Variants in RAP1GAP observed in about 807,000 individuals in gnomAD.
RAP1GAP encodes RAP1 GTPase activating protein.
RAP1GAP carries 35 observed loss-of-function variants against 87.2 expected under a neutral mutation model. The observed-to-expected ratio is 0.40, with a 90% CI of 0.31 to 0.53. The LOEUF is 0.53. Among genes scored for constraint, RAP1GAP ranks in the 20% least tolerant of loss-of-function variants. The probability of loss-of-function intolerance (pLI) is 0.48; values close to 1 mark genes in which losing one functional copy is unlikely to be tolerated. For synonymous variants in RAP1GAP, 375 were observed against 363.9 expected (o/e 1.03, Z -0.35); for missense variants, 734 against 898.9 (o/e 0.82, Z 2.35).
At chr1:21,605,124 C>T (rs2073461410) in intron 18 of RAP1GAP, among the ~76,000 whole-genome samples, 1 of 152,066 alleles carries the variant, frequency 6.6e-6, no homozygotes, top group Non-Finnish European at 1.5e-5. Flanking sequence ...CTGGGGTGGC[C>T]ACTAGGCAGT....
chr1:21,634,327 C>A lies in RAP1GAP; in HGVS notation c.-112-7930G>T, dbSNP rs927595017. On this transcript the variant is annotated intron_variant, in intron 2 of 24. Transcript: ENST00000374765. This position sits in a 1 kb window ranked among gnomAD's most constrained non-coding sequence, Gnocchi z 4.1. ...ACCTCTCCTAGGACTCTAGAGGGAG[C>A]GTGGCGATGGGGTAGAGGAGCGGCA... Among the ~76,000 whole-genome samples the A allele has an allele frequency of 6.6e-6, 1 of 152,158 alleles. No homozygotes were observed. The highest frequency in any genetic ancestry group is 1.5e-5 in the Non-Finnish European group (1 of 68,008).
At chr1:21,625,021 C>T (rs2091311918) in intron 3 of RAP1GAP, among the ~76,000 whole-genome samples, 2 of 152,200 alleles carry the variant, frequency 1.3e-5, no homozygotes. Flanking sequence ...CATTGAGTCT[C>T]TCCCTTCCTG....
In RAP1GAP at chr1:21,621,231, C is replaced by A. The variant is rs575849643; in HGVS notation, c.-18-1181G>T. Among the ~76,000 whole-genome samples, 15 of 152,314 alleles carry A rather than the reference C, an allele frequency of 9.8e-5. No homozygotes were observed. The East Asian group carries it at 2.5e-3, about 25-fold the overall frequency. ...GAACAAGAGGCATGACAACACGCAGCCACAGAGGCGGGCAGGTGTGTCCAG... is the reference window on the plus strand; with the variant it reads ...GAACAAGAGGCATGACAACACGCAGACACAGAGGCGGGCAGGTGTGTCCAG... On this transcript the variant is annotated intron_variant, in intron 3 of 24. Transcript: ENST00000374765.
In RAP1GAP at chr1:21,601,804, G is replaced by A; in HGVS notation, c.1539-7C>T. 1 of 1,578,852 alleles carries A rather than the reference G, an allele frequency of 6.3e-7. No homozygotes were observed. The highest frequency in any genetic ancestry group is 1.3e-5 in the African/African-American group (1 of 74,252). On this transcript the variant is annotated splice_region_variant and splice_polypyrimidine_tract_variant and intron_variant, in intron 19 of 24. Coordinates refer to ENST00000374765, the MANE Select transcript of RAP1GAP (RefSeq NM_002885.4). ...ACCAGCCGGAGGGCTCTCCCTGCGGGGCACACGGGGGCAGCGGGGGGATTC... is the reference window on the plus strand; with the variant it reads ...ACCAGCCGGAGGGCTCTCCCTGCGGAGCACACGGGGGCAGCGGGGGGATTC...
intron 2 of RAP1GAP, among the ~76,000 whole-genome samples, chr1:21,641,073 A>ATT (rs1444367486): frequency 4.0e-4 from 18 of 44,554 alleles, no homozygotes; most frequent in Admixed American, 1.4e-3. Context: ...ACGCCCAGCT[A>ATT]ATTTTTTTTT....
At chr1:21,626,179 C>A in intron 3 of RAP1GAP, 125 bp downstream of exon 3, 1 of 838,138 alleles carries the variant, frequency 1.2e-6, no homozygotes. Context: ...GAGCTAAACC[C>A]CATCAGCATC....
intron 2 of RAP1GAP, among the ~76,000 whole-genome samples, chr1:21,635,368 C>G (rs1452615568): frequency 1.3e-5 from 2 of 152,210 alleles, no homozygotes; most frequent in Non-Finnish European, 2.9e-5. Context: ...GTCATCTACC[C>G]ACTCCCCCAT....
chr1:21,633,072 T>G (rs1173408788), intron 2 of RAP1GAP, among the ~76,000 whole-genome samples: 3 of 152,192 alleles, frequency 2.0e-5, no homozygotes, highest in Non-Finnish European at 4.4e-5. Flanking sequence ...AAATGAGAGA[T>G]AATGTACCCA....
At chr1:21,630,526 G>A (rs926388705) in intron 2 of RAP1GAP, among the ~76,000 whole-genome samples, 1 of 151,786 alleles carries the variant, frequency 6.6e-6, no homozygotes, top group African/African-American at 2.4e-5. Flanking sequence ...AAAGTGCTGC[G>A]ATCACAGGAA....
chr1:21,640,953 G>C (rs1482588802), intron 2 of RAP1GAP, among the ~76,000 whole-genome samples: 1 of 152,196 alleles, frequency 6.6e-6, no homozygotes, highest in East Asian at 1.9e-4. Flanking sequence ...TGTTGGCCAG[G>C]CTGGAGTGCG....
chr1:21,632,591 T>A (rs1360142565), intron 2 of RAP1GAP, among the ~76,000 whole-genome samples: 1 of 152,108 alleles, frequency 6.6e-6, no homozygotes, highest in African/African-American at 2.4e-5. Context: ...TCAAGAGAGT[T>A]CCATACTCTG....
chr1:21,630,266 CTTTTTTTT>C (rs199787255), intron 2 of RAP1GAP, among the ~76,000 whole-genome samples: 5 of 145,840 alleles, frequency 3.4e-5, no homozygotes, highest in Non-Finnish European at 7.5e-5. Context: ...TTCTTTTTCC[CTTTTTTTT>C]TTTTGTTTTT....
chr1:21,618,019 C>T (rs2083445520), intron 5 of RAP1GAP, 47 bp from the exon 6 acceptor site: 1 of 1,612,646 alleles, frequency 6.2e-7, no homozygotes, highest in African/African-American at 1.3e-5. Context: ...GTCCATCCTC[C>T]AGTGCCCCCA....
Position 21,608,322 on chromosome 1 carries a change from G to A in RAP1GAP, c.1187C>T (p.Thr396Met), listed in dbSNP as rs756378342. ...GTGGATGTGTAGTTCCTCATAGAGC[G>A]TCTCCAGGAGGGCGGCCCGCGTCCG... ...EERTRAALLE[T>M]LYEELHIHSQ... The change falls in exon 17 of 25, where the codon ACG (threonine) becomes ATG (methionine). Residue 396 changes from threonine to methionine, a missense_variant. This residue lies in a region of RAP1GAP where 485 missense variants were observed against 646.2 expected (regional missense o/e 0.75). Coordinates refer to ENST00000374765, the MANE Select transcript of RAP1GAP (RefSeq NM_002885.4). The A allele has an allele frequency of 1.6e-5, 26 of 1,613,518 alleles. No individual in the cohort carries two copies. The highest frequency in any genetic ancestry group is 5.3e-5 in the African/African-American group (4 of 74,922).
rs560436024 is a variant in RAP1GAP at position 21,599,965 on chromosome 1, C to T, written c.1653-348G>A. On this transcript the variant is annotated intron_variant, in intron 20 of 24. Coordinates refer to ENST00000374765, the MANE Select transcript of RAP1GAP (RefSeq NM_002885.4). ...CATCGGGTGCACGTTCACTCTGCAC[C>T]GGGCACTGCTCTACGTGCCTTTACC... Among the ~76,000 whole-genome samples, 10 of 152,284 alleles carry T rather than the reference C, an allele frequency of 6.6e-5. No homozygotes were observed. The South Asian group carries it at 1.0e-3, about 16-fold the overall frequency.
intron 2 of RAP1GAP, among the ~76,000 whole-genome samples, chr1:21,627,420 T>C (rs2092578873): frequency 6.6e-6 from 1 of 150,416 alleles, no homozygotes; most frequent in Non-Finnish European, 1.5e-5. Flanking sequence ...TTTTTTTTTT[T>C]TTTTTTTTTT....
At chr1:21,608,489 A>C (rs897957517) in intron 16 of RAP1GAP, 139 bp from the exon 17 acceptor site, 1 of 1,184,720 alleles carries the variant, frequency 8.4e-7, no homozygotes. Context: ...GGGCTCCTGC[A>C]CCGCCTTCCC....
intron 1 of RAP1GAP, among the ~76,000 whole-genome samples, chr1:21,653,896 G>A (rs2096751803): frequency 6.6e-6 from 1 of 152,182 alleles, no homozygotes; most frequent in Non-Finnish European, 1.5e-5. Context: ...AGTTGGCAGA[G>A]TAGCCAAGGG....
chr1:21,633,972 G>T (rs955541697), intron 2 of RAP1GAP, among the ~76,000 whole-genome samples: 1 of 151,972 alleles, frequency 6.6e-6, no homozygotes, highest in African/African-American at 2.4e-5. Context: ...GCCAGAGCCG[G>T]GTCTCCTAGC....
Sources: gnomAD v4.1 joint callset for allele counts (sites outside exome capture counted in the v4.1 genomes callset) on GRCh38, gnomAD v4.1.1 for gene constraint, gnomAD v4.1.1 regional missense constraint, Gnocchi (gnomAD v3.1) non-coding constraint, MANE v1.5 for transcripts, NCBI Gene and HGNC (gene_info 2026-07-23, HGNC 2026-07-21) for gene names.